The following WWTR1 variants were observed in gnomAD, a reference collection of about 807,000 sequenced individuals.
WWTR1 encodes WW domain-containing transcription regulator protein 1.
WWTR1 carries 13 observed loss-of-function variants against 40.1 expected under a neutral mutation model. The ratio of observed to expected loss-of-function variants is 0.32; its 90% CI spans 0.21 to 0.52. WWTR1 has a LOEUF of 0.52. WWTR1 is among the 20% of genes least tolerant of loss of function. The probability of loss-of-function intolerance (pLI) is 0.97; values close to 1 mark genes in which losing one functional copy is unlikely to be tolerated. For synonymous variants in WWTR1, 230 were observed against 210.1 expected (o/e 1.09, Z -0.82); for missense variants, 436 against 523.1 (o/e 0.83, Z 1.63).
chr3:149,595,006 G>GGCTGGAGT (rs1738926506), intron 2 of WWTR1, among the ~76,000 whole-genome samples: 1 of 120,468 alleles, frequency 8.3e-6, no homozygotes, highest in Non-Finnish European at 1.6e-5. Flanking sequence ...TCTGTTGCCA[G>GGCTGGAGT]GCTGGAGTGC....
chr3:149,611,860 C>G (rs779229255), intron 2 of WWTR1, among the ~76,000 whole-genome samples: 37 of 152,196 alleles, frequency 2.4e-4, no homozygotes. Flanking sequence ...TATGTTTGTT[C>G]ACTGATTGAT....
At chr3:149,606,518 G>A (rs1363517917) in intron 2 of WWTR1, among the ~76,000 whole-genome samples, 1 of 152,036 alleles carries the variant, frequency 6.6e-6, no homozygotes, top group African/African-American at 2.4e-5. Context: ...AAAACTATGG[G>A]GTGAGGAAAC....
At chr3:149,623,688 T>C (rs145329814) in intron 2 of WWTR1, among the ~76,000 whole-genome samples, 1 of 152,266 alleles carries the variant, frequency 6.6e-6, no homozygotes, top group Non-Finnish European at 1.5e-5. Flanking sequence ...TCTGTATAAG[T>C]GGAAATTATG....
At chr3:149,566,424 G>A (rs998431205) in intron 3 of WWTR1, among the ~76,000 whole-genome samples, 1 of 152,046 alleles carries the variant, frequency 6.6e-6, no homozygotes, top group Admixed American at 6.6e-5. Context: ...CTGGGTTTGT[G>A]CGTGTATGTG....
At chr3:149,526,193 T>C in intron 5 of WWTR1, 68 bp from the exon 6 acceptor site, 1 of 1,241,230 alleles carries the variant, frequency 8.1e-7, no homozygotes, top group Non-Finnish European at 1.1e-6. Flanking sequence ...TAAAACACAG[T>C]CACAAAAGCT....
At chr3:149,532,541 C>T (rs1005483872) in intron 4 of WWTR1, among the ~76,000 whole-genome samples, 3 of 152,060 alleles carry the variant, frequency 2.0e-5, no homozygotes, top group South Asian at 4.1e-4. Flanking sequence ...TTTTATAATA[C>T]GAGTTCTATA....
At chr3:149,702,809 A>T (rs1029187477) in intron 1 of WWTR1, 1 of 152,206 alleles carries the variant, frequency 6.6e-6, no homozygotes, top group African/African-American at 2.4e-5. Context: ...CAGAATGACC[A>T]CTGCATTTCT....
chr3:149,686,975 C>G (rs1374724500), intron 1 of WWTR1, among the ~76,000 whole-genome samples: 1 of 152,160 alleles, frequency 6.6e-6, no homozygotes, highest in Admixed American at 6.5e-5. Flanking sequence ...CTACCTCACC[C>G]TAAGGTCAGT....
chr3:149,668,713 A>C (rs980468900), intron 2 of WWTR1, among the ~76,000 whole-genome samples: 2 of 152,190 alleles, frequency 1.3e-5, no homozygotes, highest in Non-Finnish European at 2.9e-5. Flanking sequence ...GTAGTTACCA[A>C]TGGGGAACGG....
chr3:149,581,884 G>A (rs1197701840), intron 2 of WWTR1, among the ~76,000 whole-genome samples: 5 of 152,138 alleles, frequency 3.3e-5, no homozygotes, highest in Admixed American at 2.6e-4. Flanking sequence ...GACTCATTCT[G>A]TCTGAACCTA....
At chr3:149,640,010 AAAAGAAAGAAAGAAAG>A (rs1179547242) in intron 2 of WWTR1, among the ~76,000 whole-genome samples, 48 of 140,414 alleles carry the variant, frequency 3.4e-4, no homozygotes, top group Non-Finnish European at 5.2e-4. Context: ...AAAAAAAAAA[AAAAGAAAGAAAGAAAG>A]AAAGAAAGAA....
intron 2 of WWTR1, among the ~76,000 whole-genome samples, chr3:149,603,400 T>A (rs776925093): frequency 6.6e-6 from 1 of 152,180 alleles, no homozygotes; most frequent in Admixed American, 6.5e-5. Flanking sequence ...TAATGAAGAT[T>A]TATGAAGAAT....
intron 3 of WWTR1, among the ~76,000 whole-genome samples, chr3:149,568,830 A>G (rs940884781): frequency 6.6e-6 from 1 of 152,160 alleles, no homozygotes; most frequent in Non-Finnish European, 1.5e-5. Flanking sequence ...GCAGTGGCGC[A>G]ATCTCGGCTC....
At chr3:149,565,835 C>A (rs1300339495) in intron 3 of WWTR1, among the ~76,000 whole-genome samples, 1 of 147,796 alleles carries the variant, frequency 6.8e-6, no homozygotes, top group Non-Finnish European at 1.5e-5. Context: ...TGCTTGAACC[C>A]GGGAGGTGGA....
chr3:149,627,334 T>C (rs916205221), intron 2 of WWTR1, among the ~76,000 whole-genome samples: 5 of 152,162 alleles, frequency 3.3e-5, no homozygotes, highest in Non-Finnish European at 5.9e-5. Flanking sequence ...TTTTCAGCCA[T>C]GTAGGGTGTC....
chr3:149,572,766 G>A, intron 3 of WWTR1, 98 bp downstream of exon 3: 1 of 1,413,122 alleles, frequency 7.1e-7, no homozygotes, highest in Non-Finnish European at 9.5e-7. Flanking sequence ...AGGATTGTTT[G>A]AGCCCACGAG....
intron 2 of WWTR1, among the ~76,000 whole-genome samples, chr3:149,647,887 T>G (rs966958300): frequency 6.6e-6 from 1 of 152,184 alleles, no homozygotes; most frequent in Non-Finnish European, 1.5e-5. Flanking sequence ...AAAAGGTCAA[T>G]GAGCCCACCC....
chr3:149,574,760 G>T (rs1396108412), intron 2 of WWTR1, among the ~76,000 whole-genome samples: 2 of 151,220 alleles, frequency 1.3e-5, no homozygotes, highest in Admixed American at 6.6e-5. Flanking sequence ...TGAAAACTTG[G>T]GTCTAAAGGT....
chr3:149,699,621 C>T (rs1424805216), intron 1 of WWTR1, among the ~76,000 whole-genome samples: 1 of 152,130 alleles, frequency 6.6e-6, no homozygotes, highest in Non-Finnish European at 1.5e-5. Flanking sequence ...CAAACTCCCA[C>T]AGACCCCTAG....
Sources: allele counts gnomAD v4.1 joint callset (sites outside exome capture counted in the v4.1 genomes callset), GRCh38; gene constraint gnomAD v4.1.1; transcripts MANE v1.5; gene names NCBI Gene and HGNC (gene_info 2026-07-23, HGNC 2026-07-21).